GLUL: variants seen among roughly 807,000 people sequenced by gnomAD.
GLUL encodes the protein glutamate-ammonia ligase, also known as glutamine synthetase.
In GLUL, 8 loss-of-function variants were observed where a neutral mutation model predicts 36.9. That is an observed-to-expected ratio of 0.22 (90% confidence interval 0.13 to 0.39). GLUL has a LOEUF of 0.39. Ranked by LOEUF, GLUL falls within the 10% of genes least tolerant of loss-of-function variation. The probability of loss-of-function intolerance (pLI) is 1.00; values close to 1 mark genes in which losing one functional copy is unlikely to be tolerated. For synonymous variants in GLUL, 182 were observed against 172.8 expected, an observed-to-expected ratio of 1.05 and a Z score of -0.42; for missense variants, 315 against 501.8, an observed-to-expected ratio of 0.63 and a Z score of 3.56.
chr1:182,389,123 G>A, intron 1 of GLUL: 2 of 326,770 alleles, frequency 6.1e-6, no homozygotes, highest in Non-Finnish European at 1.2e-5. Flanking sequence ...ATACTTGTGA[G>A]GACTAAGGTC....
chr1:182,386,435 G>T (rs759540282), intron 3 of GLUL, 33 bp from the exon 4 acceptor site: 4 of 1,517,704 alleles, frequency 2.6e-6, no homozygotes, highest in Non-Finnish European at 3.7e-6. Context: ...CGCCATCAGG[G>T]ATCTAAAGAC....
Position 182,384,446 on chromosome 1 carries a change from G to A in GLUL, c.1081C>T (p.Leu361Phe). Residue 361 changes from leucine (L) to phenylalanine (F), a missense_variant, in exon 7 of 7, where the codon CTC (leucine) becomes TTC (phenylalanine). Leu to Phe is a conservative substitution (Grantham distance 22). Transcript: ENST00000331872. ...VTEALIRTCL[L>F]NETGDEPFQY... ...AAGGGCTCATCGCCGGTTTCATTGA[G>A]AAGACACGTGCGGATGAGGGCTTCT... is the stretch of plus-strand genomic sequence containing the variant. 1 of 1,613,858 alleles carries A rather than the reference G, an allele frequency of 6.2e-7. No individual in the cohort carries two copies. Among genetic ancestry groups the A allele is most frequent in the Non-Finnish European group, 8.5e-7 (1 of 1,179,784 alleles).
rs1168645209 is a variant in GLUL at position 182,381,172 on chromosome 1, CAGG to C, written c.*3230_*3232del. On this transcript the variant is annotated 3_prime_UTR_variant, in exon 7 of 7. Transcript: ENST00000331872. ...GTCTCAGCTACTTGGGAGGCTGAGG[CAGG>C]AGAATCGCTTGAATCTGGGAGGCAG... is the stretch of plus-strand genomic sequence containing the variant. Among the ~76,000 whole-genome samples, 6 of 152,158 alleles carry C rather than the reference CAGG, an allele frequency of 3.9e-5. No homozygotes were observed. Among genetic ancestry groups the C allele is most frequent in the African/African-American group, 1.4e-4 (6 of 41,412 alleles).
chr1:182,385,019 A>G, intron 6 of GLUL: 1 of 388,046 alleles, frequency 2.6e-6, no homozygotes, highest in Non-Finnish European at 4.6e-6. Flanking sequence ...GAATTTGTCA[A>G]CTTTTCCCTG....
intron 6 of GLUL, chr1:182,385,099 TTA>T: frequency 3.3e-6 from 1 of 300,692 alleles, no homozygotes; most frequent in Non-Finnish European, 6.2e-6. Flanking sequence ...CTAATATATA[TTA>T]TATAAATTAT....
chr1:182,390,456 CCCA>C (rs1443588843), intron 1 of GLUL: 4 of 398,894 alleles, frequency 1.0e-5, no homozygotes, highest in African/African-American at 8.2e-5. Context: ...TTCTGCAGCT[CCCA>C]CCAACTCCGG....
chr1:182,389,000 C>A (rs898566946), intron 1 of GLUL: 5 of 435,400 alleles, frequency 1.1e-5, no homozygotes, highest in African/African-American at 8.1e-5. Flanking sequence ...AACACAGATG[C>A]CTGCTAAAGA....
In GLUL at chr1:182,381,070, C is replaced by G. The variant is rs972920811; in HGVS notation, c.*3335G>C. 1.3e-5 allele frequency among the ~76,000 whole-genome samples: 2 copies of G among 152,180 alleles called. No individual in the cohort carries two copies. The highest frequency in any genetic ancestry group is 6.5e-5 in the Admixed American group (1 of 15,280). On this transcript the variant is annotated 3_prime_UTR_variant, in exon 7 of 7. Transcript: ENST00000331872. ...CTTTGGGAGATCAGGAGTTCAAGAC[C>G]AGCCTGGCCAACATGGTGAAACCCC...
chr1:182,385,110 A>AGGGT (rs1374122327), intron 6 of GLUL: 8 of 346,958 alleles, frequency 2.3e-5, no homozygotes, highest in Non-Finnish European at 4.2e-5. Flanking sequence ...TATATAAATT[A>AGGGT]TAACAAATAT....
intron 4 of GLUL, 85 bp downstream of exon 4, chr1:182,386,171 G>T: frequency 7.4e-7 from 1 of 1,351,760 alleles, no homozygotes; most frequent in South Asian, 1.2e-5. Context: ...TCTTGATTCT[G>T]AAAGTCATTC....
In GLUL at chr1:182,383,995, C is replaced by T. The variant is rs192566565; in HGVS notation, c.*410G>A. The stretch of plus-strand genomic sequence containing the variant: ...ATAACTTTTTAAGAAAAGTTTCCAC[C>T]ACGAGGGCAAGTCCTAACCTAACCA... On this transcript the variant is annotated 3_prime_UTR_variant, in exon 7 of 7. Transcript: ENST00000331872. 19 of 187,716 alleles carry T rather than the reference C, an allele frequency of 1.0e-4. No individual in the cohort carries two copies. Among genetic ancestry groups the T allele is most frequent in the Non-Finnish European group, 2.0e-4 (18 of 87,842 alleles). The allele number at this position is 187,716 out of a possible 1,614,324, so 11.6% of individuals were successfully genotyped here.
Position 182,378,304 on chromosome 1 carries a change from C to G in GLUL, c.*6101G>C, listed in dbSNP as rs1649807563. ...GGACAACTTGCTCAGGTACAAGGCC[C>G]CTGAAAAGTAACTCATCAAATGACA... On this transcript the variant is annotated 3_prime_UTR_variant, in exon 7 of 7. Coordinates refer to ENST00000331872, the MANE Select transcript of GLUL (RefSeq NM_001033044.4). 2.0e-5 allele frequency among the ~76,000 whole-genome samples: 3 copies of G among 152,124 alleles called. No individual in the cohort carries two copies. The highest frequency in any genetic ancestry group is 1.3e-4 in the Admixed American group (2 of 15,276).
chr1:182,385,572 T>C lies in GLUL; in HGVS notation c.604-16A>G, dbSNP rs764722165. On this transcript the variant is annotated splice_polypyrimidine_tract_variant and intron_variant, in intron 5 of 6. Transcript: ENST00000331872. The stretch of plus-strand genomic sequence containing the variant: ...GAAATTCCCACTAGAAACGAGAAGC[T>C]TGGCCATTAAAACAAAGCTAACTGC... The C allele has an allele frequency of 5.0e-6, 8 of 1,612,406 alleles. No homozygotes were observed.
In GLUL at chr1:182,379,220, T is replaced by C. The variant is rs1322005064; in HGVS notation, c.*5185A>G. Among the ~76,000 whole-genome samples the C allele has an allele frequency of 6.6e-6, 1 of 151,926 alleles. No homozygotes were observed. The highest frequency in any genetic ancestry group is 1.9e-4 in the East Asian group (1 of 5,168). Reference sequence around the variant, plus strand: ...GTTAAATGATGAACTGCCACTTATTTATTTATTTATTTGTTTATTTTTTGA... The same window carrying C: ...GTTAAATGATGAACTGCCACTTATTCATTTATTTATTTGTTTATTTTTTGA... On this transcript the variant is annotated 3_prime_UTR_variant, in exon 7 of 7. Coordinates refer to ENST00000331872, the MANE Select transcript of GLUL (RefSeq NM_001033044.4).
chr1:182,386,773 C>T (rs1329506563), intron 3 of GLUL: 3 of 451,454 alleles, frequency 6.6e-6, no homozygotes, highest in Middle Eastern at 6.4e-4. Context: ...CAGATTTATT[C>T]TTCATTTCTC....
chr1:182,384,454 G>A lies in GLUL; in HGVS notation c.1073C>T (p.Thr358Met). The change falls in exon 7 of 7, where the codon ACG becomes ATG. Residue 358 changes from threonine to methionine, a missense_variant. Coordinates refer to ENST00000331872, the MANE Select transcript of GLUL (RefSeq NM_001033044.4). ...PFSVTEALIR[T>M]CLLNETGDEP... ...ATCGCCGGTTTCATTGAGAAGACACGTGCGGATGAGGGCTTCTGTCACCGA... is the reference window on the plus strand; with the variant it reads ...ATCGCCGGTTTCATTGAGAAGACACATGCGGATGAGGGCTTCTGTCACCGA... 6.2e-7 allele frequency: 1 copy of A among 1,613,776 alleles called. No homozygotes were observed. Among genetic ancestry groups the A allele is most frequent in the Non-Finnish European group, 8.5e-7 (1 of 1,179,708 alleles).
At chr1:182,385,588 AGCTAACT>A in intron 5 of GLUL, 32 bp from the exon 6 acceptor site, 2 of 1,591,918 alleles carry the variant, frequency 1.3e-6, no homozygotes, top group Non-Finnish European at 1.7e-6. Flanking sequence ...ATTAAAACAA[AGCTAACT>A]GCTCACTCCA....
rs1160248836 is a variant in GLUL at position 182,383,062 on chromosome 1, G to A, written c.*1343C>T. ...CCAACACAAGAACCAGAAAATGGTAGATGAAATGAAGGAATAAAGGTGGGG... is the reference window on the plus strand; with the variant it reads ...CCAACACAAGAACCAGAAAATGGTAAATGAAATGAAGGAATAAAGGTGGGG... On this transcript the variant is annotated 3_prime_UTR_variant, in exon 7 of 7. Transcript: ENST00000331872. 6.6e-6 allele frequency: 1 copy of A among 152,042 alleles called. No individual in the cohort carries two copies. The highest frequency in any genetic ancestry group is 6.5e-5 in the Admixed American group (1 of 15,268). 9.4% of individuals were successfully genotyped at this position (152,042 alleles called of 1,614,324 possible).
chr1:182,380,813 GA>G lies in GLUL; in HGVS notation c.*3591del, dbSNP rs1649902289. On this transcript the variant is annotated 3_prime_UTR_variant, in exon 7 of 7. Coordinates refer to ENST00000331872, the MANE Select transcript of GLUL (RefSeq NM_001033044.4). Reference sequence around the variant, plus strand: ...CTCTTGCTTTCATGAAGTTCAACTAGAAAGTCCTGTCGAATGATGAGACATC... The same window carrying G: ...CTCTTGCTTTCATGAAGTTCAACTAGAAGTCCTGTCGAATGATGAGACATC... 6.6e-6 allele frequency among the ~76,000 whole-genome samples: 1 copy of G among 152,194 alleles called. No homozygotes were observed. The highest frequency in any genetic ancestry group is 2.4e-5 in the African/African-American group (1 of 41,452).
Sources: gnomAD v4.1 joint callset for allele counts (sites outside exome capture counted in the v4.1 genomes callset) on GRCh38, gnomAD v4.1.1 for gene constraint, MANE v1.5 for transcripts, NCBI Gene and HGNC (gene_info 2026-07-23, HGNC 2026-07-21) for gene names.